NPR3: variants seen among roughly 807,000 people sequenced by gnomAD.
NPR3 encodes the protein atrial natriuretic peptide receptor 3.
Under a neutral mutation model 54.5 loss-of-function variants are expected in NPR3, and 34 were observed. The observed-to-expected ratio is 0.62, with a 90% CI of 0.47 to 0.83. NPR3 has a LOEUF of 0.83. NPR3 is among the 40% of genes least tolerant of loss of function. NPR3 has a pLI of 0.00. For synonymous variants in NPR3, 289 were observed against 297.1 expected (o/e 0.97, Z 0.28); for missense variants, 674 against 720.8 (o/e 0.94, Z 0.74).
chr5:32,696,614 T>C (rs562661410), intron 1 of NPR3, among the ~76,000 whole-genome samples: 2 of 152,310 alleles, frequency 1.3e-5, no homozygotes, highest in East Asian at 1.9e-4. Flanking sequence ...TTTAAGAATA[T>C]TGATTCTTCC....
chr5:32,774,814 T>A lies in NPR3; in HGVS notation c.1166T>A (p.Ile389Lys). The A allele has an allele frequency of 6.2e-7, 1 of 1,611,354 alleles. No individual in the cohort carries two copies. The highest frequency in any genetic ancestry group is 2.2e-5 in the East Asian group (1 of 44,862). ...GYSKKDGGKI[I>K]QQTWNRTFEG... ...AGCAAAAAGGATGGAGGGAAAATTA[T>A]ACAGCAGACTTGGAACAGAACATTT... The change falls in exon 4 of 8, where the codon ATA becomes AAA. Residue 389 changes from isoleucine (I) to lysine (K), a missense_variant. Coordinates refer to ENST00000265074, the MANE Select transcript of NPR3 (RefSeq NM_001204375.2).
At chr5:32,734,032 T>C (rs1739600372) in intron 2 of NPR3, among the ~76,000 whole-genome samples, 1 of 152,196 alleles carries the variant, frequency 6.6e-6, no homozygotes, top group African/African-American at 2.4e-5. Flanking sequence ...TAAATCTTTT[T>C]CAAAGAGTTG....
At chr5:32,695,239 G>T (rs1007306666) in intron 1 of NPR3, among the ~76,000 whole-genome samples, 4 of 152,106 alleles carry the variant, frequency 2.6e-5, no homozygotes, top group Non-Finnish European at 4.4e-5. Context: ...GGGGTTGCTG[G>T]ATTTTACGGT....
intron 2 of NPR3, among the ~76,000 whole-genome samples, chr5:32,738,528 T>C (rs1360127193): frequency 6.6e-6 from 1 of 152,198 alleles, no homozygotes; most frequent in Non-Finnish European, 1.5e-5. Flanking sequence ...GAAGTATGAA[T>C]GGCAAGGAAT....
Position 32,756,415 on chromosome 5 carries a change from C to T in NPR3, c.1059+17385C>T, listed in dbSNP as rs371392267. On this transcript the variant is annotated intron_variant, in intron 3 of 7. Transcript: ENST00000265074. ...ATAAATGTCTTCTTTTGAGAAGTGT[C>T]TGTTCATATCCTTTGCCTACTTTTT... Among the ~76,000 whole-genome samples the T allele has an allele frequency of 5.9e-5, 9 of 152,320 alleles. No homozygotes were observed. In the East Asian group the frequency reaches 1.2e-3, roughly 20 times the overall value.
At chr5:32,754,954 A>G (rs1225461251) in intron 3 of NPR3, among the ~76,000 whole-genome samples, 2 of 152,154 alleles carry the variant, frequency 1.3e-5, no homozygotes, top group Non-Finnish European at 2.9e-5. Context: ...TCCGCTTCCC[A>G]GGTTCACGCC....
At chr5:32,770,291 A>G (rs1741688197) in intron 3 of NPR3, among the ~76,000 whole-genome samples, 1 of 152,016 alleles carries the variant, frequency 6.6e-6, no homozygotes, top group African/African-American at 2.4e-5. Flanking sequence ...TTAACCGGGC[A>G]TGGTGGTGCA....
chr5:32,745,261 TA>T (rs1740237073), intron 3 of NPR3, among the ~76,000 whole-genome samples: 1 of 152,186 alleles, frequency 6.6e-6, no homozygotes, highest in South Asian at 2.1e-4. Flanking sequence ...CCCTGAAATC[TA>T]AAGTGAGAAG....
Position 32,782,941 on chromosome 5 carries a change from A to C in NPR3, c.1339A>C (p.Asn447His). ...GKEGRFEMRPNVKYPWGPLKL... is the reference protein window; with the variant it reads ...GKEGRFEMRPHVKYPWGPLKL... ...AGAAGGTCGTTTTGAAATGCGGCCG[A>C]ATGTCAAATATCCTTGGGGCCCTTT... The change falls in exon 6 of 8, where the codon AAT becomes CAT. Residue 447 changes from asparagine to histidine, a missense_variant. By Grantham distance (68) the Asn-to-His change is moderately conservative. Coordinates refer to ENST00000265074, the MANE Select transcript of NPR3 (RefSeq NM_001204375.2). 6.2e-7 allele frequency: 1 copy of C among 1,611,812 alleles called. No individual in the cohort carries two copies. The highest frequency in any genetic ancestry group is 8.5e-7 in the Non-Finnish European group (1 of 1,178,728).
intron 5 of NPR3, among the ~76,000 whole-genome samples, chr5:32,781,958 C>A (rs1742356925): frequency 6.6e-6 from 1 of 152,140 alleles, no homozygotes; most frequent in Non-Finnish European, 1.5e-5. Context: ...CACTCGAGAG[C>A]CATGCGCTTG....
In NPR3 at chr5:32,788,218, A is replaced by G. The variant is rs1340686498; in HGVS notation, c.*1873A>G. On this transcript the variant is annotated 3_prime_UTR_variant, in exon 8 of 8. Coordinates refer to ENST00000265074, the MANE Select transcript of NPR3 (RefSeq NM_001204375.2). ...AGAATTAAGTGTGATCAACTGAAAC[A>G]ACTATGTTGTAGTTCTCCATGCTGG... 2 of 152,282 alleles carry G rather than the reference A, an allele frequency of 1.3e-5. No homozygotes were observed. The highest frequency in any genetic ancestry group is 1.3e-4 in the Admixed American group (2 of 15,282). The allele number at this position is 152,282 out of a possible 1,614,324, so 9.4% of individuals were successfully genotyped here.
intron 3 of NPR3, among the ~76,000 whole-genome samples, chr5:32,761,896 A>G (rs1272120110): frequency 6.6e-6 from 1 of 152,070 alleles, no homozygotes; most frequent in Non-Finnish European, 1.5e-5. Flanking sequence ...GCACTCATCA[A>G]CCTGTCATCT....
At chr5:32,705,322 A>G (rs1454419003), upstream of NPR3, among the ~76,000 whole-genome samples, 4 of 152,132 alleles carry the variant, frequency 2.6e-5, no homozygotes, top group Non-Finnish European at 5.9e-5. Flanking sequence ...AAACTAACCA[A>G]CCAATCTTGT....
At chr5:32,766,578 C>T (rs1389685326) in intron 3 of NPR3, among the ~76,000 whole-genome samples, 1 of 152,164 alleles carries the variant, frequency 6.6e-6, no homozygotes, top group Non-Finnish European at 1.5e-5. Flanking sequence ...TTATTTGTAA[C>T]ATCTCTTTTT....
rs748146364 is a variant in NPR3, at chr5:32,784,823, C to G, written c.1454C>G (p.Thr485Arg). Reference protein sequence around the residue: ...SSGGLEESAVTGIVVGALLGA... With the variant: ...SSGGLEESAVRGIVVGALLGA... The stretch of plus-strand genomic sequence containing the variant: ...GGTGGCCTAGAAGAATCGGCAGTGA[C>G]AGGAATTGTCGTGGGGGCTTTACTA... The change falls in exon 7 of 8, where the codon ACA becomes AGA. Residue 485 changes from threonine (T) to arginine (R), a missense_variant. Coordinates refer to ENST00000265074, the MANE Select transcript of NPR3 (RefSeq NM_001204375.2). 5 of 1,613,662 alleles carry G rather than the reference C, an allele frequency of 3.1e-6. No homozygotes were observed. The highest frequency in any genetic ancestry group is 3.3e-5 in the Admixed American group (2 of 59,986).
upstream of NPR3, chr5:32,710,802 T>G (rs999413989): frequency 6.7e-7 from 1 of 1,502,864 alleles, no homozygotes; most frequent in African/African-American, 1.4e-5. Flanking sequence ...AAGCGGCACC[T>G]AAGGATTTTT....
At chr5:32,767,829 G>A (rs1330244344) in intron 3 of NPR3, among the ~76,000 whole-genome samples, 4 of 152,114 alleles carry the variant, frequency 2.6e-5, no homozygotes, top group African/African-American at 9.7e-5. Flanking sequence ...GACTCAAAAA[G>A]TTCAAGGGAA....
intron 7 of NPR3, among the ~76,000 whole-genome samples, chr5:32,785,181 G>C (rs10076248): frequency 0.046 from 5,400 of 116,308 alleles, 380 homozygotes; most frequent in African/African-American, 0.17. Flanking sequence ...CGGAGTCTCA[G>C]TCCCCCTGTT....
intron 4 of NPR3, 111 bp downstream of exon 4, chr5:32,774,954 C>T (rs935431754): frequency 2.4e-6 from 2 of 832,380 alleles, no homozygotes; most frequent in Middle Eastern, 2.3e-4. Context: ...TTGCTTTTCT[C>T]AGCTCTAAAG....
Sources: gnomAD v4.1 joint callset for allele counts (sites outside exome capture counted in the v4.1 genomes callset) on GRCh38, gnomAD v4.1.1 for gene constraint, MANE v1.5 for transcripts, NCBI Gene and HGNC (gene_info 2026-07-23, HGNC 2026-07-21) for gene names.